NUP153: variants seen among roughly 807,000 people sequenced by gnomAD.
NUP153 encodes nucleoporin 153.
In NUP153, 27 loss-of-function variants were observed where a neutral mutation model predicts 134.6. The observed-to-expected ratio is 0.20, with a 90% CI of 0.15 to 0.28. The LOEUF is 0.28. NUP153 is among the 10% of genes least tolerant of loss of function. NUP153 has a pLI of 1.00. For synonymous variants in NUP153, 640 were observed against 623.5 expected (o/e 1.03, Z -0.40); for missense variants, 1,821 against 1,731.3 (o/e 1.05, Z -0.92).
rs900398358 is a variant in NUP153, at chr6:17,637,097, T to C, written c.2464+56A>G. The C allele has an allele frequency of 9.5e-6, 14 of 1,478,914 alleles. No individual in the cohort carries two copies. The African/African-American group carries it at 2.0e-4, about 21-fold the overall frequency. The allele number at this position is 1,478,914 out of a possible 1,614,324, so 91.6% of individuals were successfully genotyped here. A position where few individuals can be genotyped will look rare whatever the true frequency, so the allele number is the denominator to read the frequency against. On this transcript the variant is annotated intron_variant, in intron 16 of 21. Coordinates refer to ENST00000262077, the MANE Select transcript of NUP153 (RefSeq NM_005124.4). ...CTAAAACAAGGATTCTTAGAATAAA[T>C]TAAACTGTTCAACAGAAGTAATAAG... is the stretch of plus-strand genomic sequence containing the variant.
chr6:17,646,435 T>A (rs1766187722), intron 13 of NUP153, among the ~76,000 whole-genome samples: 1 of 152,164 alleles, frequency 6.6e-6, no homozygotes, highest in Non-Finnish European at 1.5e-5. Context: ...CTCGATCTAC[T>A]GACCTTGTGA....
At chr6:17,620,937 GA>G (rs1764616586) in intron 20 of NUP153, among the ~76,000 whole-genome samples, 2 of 152,058 alleles carry the variant, frequency 1.3e-5, no homozygotes, top group African/African-American at 2.4e-5. Flanking sequence ...TGTTGAAAGG[GA>G]AAAAAAGTTT....
chr6:17,688,153 AAAG>A (rs1769055345), intron 2 of NUP153, among the ~76,000 whole-genome samples: 1 of 152,248 alleles, frequency 6.6e-6, no homozygotes, highest in Admixed American at 6.5e-5. Flanking sequence ...AAGAAAAAGA[AAAG>A]AAAATTAAAA....
rs751239485 is a variant in NUP153 at position 17,675,279 on chromosome 6, T to A, written c.673A>T (p.Ser225Cys). Residue 225 changes from serine (S) to cysteine (C), a missense_variant, in exon 4 of 22, where the codon AGC (serine) becomes TGC (cysteine). Transcript: ENST00000262077. This position sits in a 1 kb window ranked among gnomAD's most constrained non-coding sequence, Gnocchi z 4.4. Reference protein sequence around the residue: ...SHSLSQHTATSSKKPAFNLSA... With the variant: ...SHSLSQHTATCSKKPAFNLSA... ...AAGTTGAATGCTGGTTTTTTTGAGC[T>A]GGTGGCAGTGTGCTGTGAGAGTGAG... is the stretch of plus-strand genomic sequence containing the variant. 6.2e-7 allele frequency: 1 copy of A among 1,614,184 alleles called. No homozygotes were observed. The highest frequency in any genetic ancestry group is 1.1e-5 in the South Asian group (1 of 91,082).
chr6:17,685,504 G>A (rs916556667), intron 2 of NUP153, among the ~76,000 whole-genome samples: 22 of 149,400 alleles, frequency 1.5e-4, no homozygotes, highest in African/African-American at 3.7e-4. Context: ...AGCCGAGATC[G>A]AGCCACTGCA....
chr6:17,677,860 C>T (rs1768319584), intron 2 of NUP153, among the ~76,000 whole-genome samples: 1 of 151,188 alleles, frequency 6.6e-6, no homozygotes, highest in South Asian at 2.1e-4. Context: ...TTTCTTCTTT[C>T]GTGTTTTCTG....
chr6:17,646,380 T>C (rs1024621322), intron 13 of NUP153, among the ~76,000 whole-genome samples: 2 of 152,002 alleles, frequency 1.3e-5, no homozygotes, highest in African/African-American at 4.8e-5. Context: ...GCTAATTTTT[T>C]GTATTTTAGT....
At chr6:17,647,584 G>C (rs552864551) in intron 13 of NUP153, among the ~76,000 whole-genome samples, 2 of 152,276 alleles carry the variant, frequency 1.3e-5, no homozygotes, top group African/African-American at 2.4e-5. Flanking sequence ...CCAGTTGTTT[G>C]CATTTTAACT....
intron 9 of NUP153, 34 bp downstream of exon 9, chr6:17,665,205 A>AT (rs1254412344): frequency 6.6e-7 from 1 of 1,512,774 alleles, no homozygotes; most frequent in African/African-American, 1.4e-5. Context: ...TCTAATCAAT[A>AT]TTCAAAGACT....
intron 14 of NUP153, among the ~76,000 whole-genome samples, chr6:17,641,525 C>T (rs1229977877): frequency 2.0e-5 from 3 of 151,876 alleles, no homozygotes; most frequent in Non-Finnish European, 2.9e-5. Context: ...CAGAGCGAGA[C>T]TCCGTCTCAA....
intron 11 of NUP153, chr6:17,651,688 T>G (rs1766500326): frequency 5.2e-6 from 2 of 383,904 alleles, no homozygotes; most frequent in Non-Finnish European, 9.2e-6. Flanking sequence ...CAAAAAATAT[T>G]TCCAAAAGTT....
At position 17,706,596 on chromosome 6, in the gene NUP153, C is replaced by T; in HGVS notation, c.-209G>A. ...GTGCTGGCAGCGGGGAAGGGGGTGG[C>T]GGCCGCAGAGGCCGAGGAGGCTCCG... On this transcript the variant is annotated 5_prime_UTR_variant, in exon 1 of 22. Coordinates refer to ENST00000262077, the MANE Select transcript of NUP153 (RefSeq NM_005124.4). This position sits in a 1 kb window ranked among gnomAD's most constrained non-coding sequence, Gnocchi z 5.9. 5.2e-6 allele frequency: 3 copies of T among 576,838 alleles called. No individual in the cohort carries two copies. Among genetic ancestry groups the T allele is most frequent in the Non-Finnish European group, 6.1e-6 (2 of 327,292 alleles). The allele number at this position is 576,838 out of a possible 1,614,324, so 35.7% of individuals were successfully genotyped here.
chr6:17,651,873 C>T (rs942026727), intron 11 of NUP153: 16 of 675,748 alleles, frequency 2.4e-5, no homozygotes, highest in Non-Finnish European at 3.6e-5. Flanking sequence ...ATGGGATGAT[C>T]GCTTGAGCGC....
chr6:17,675,808 T>TA lies in NUP153; in HGVS notation c.335-39dup, dbSNP rs1269398016. On this transcript the variant is annotated intron_variant, in intron 2 of 21. Transcript: ENST00000262077. The surrounding 1 kb of genome is among the most constrained non-coding windows in gnomAD (Gnocchi z 4.4). Reference sequence around the variant, plus strand: ...GCATTAATATTATGAATATACAACTTAGAGCGATACACTACCACAAATGGT... The same window carrying TA: ...GCATTAATATTATGAATATACAACTTAAGAGCGATACACTACCACAAATGGT... 7 of 1,587,898 alleles carry TA rather than the reference T, an allele frequency of 4.4e-6. No individual in the cohort carries two copies. The highest frequency in any genetic ancestry group is 1.7e-5 in the Admixed American group (1 of 59,932).
chr6:17,685,374 C>T (rs752518668), intron 2 of NUP153, among the ~76,000 whole-genome samples: 3 of 151,866 alleles, frequency 2.0e-5, no homozygotes, highest in Non-Finnish European at 4.4e-5. Context: ...GGAGAAACCC[C>T]GTCTTTACTA....
chr6:17,677,321 C>G (rs549774073), intron 2 of NUP153, among the ~76,000 whole-genome samples: 1 of 151,806 alleles, frequency 6.6e-6, no homozygotes, highest in East Asian at 1.9e-4. Context: ...AGGAAGATGA[C>G]AGAACCAAGA....
At chr6:17,657,580 C>T (rs1235691118) in intron 11 of NUP153, among the ~76,000 whole-genome samples, 1 of 151,744 alleles carries the variant, frequency 6.6e-6, no homozygotes, top group Non-Finnish European at 1.5e-5. Flanking sequence ...CAAAACAAAA[C>T]CTGGTGCCAT....
At chr6:17,703,232 TAAAG>T (rs1212079043) in intron 1 of NUP153, among the ~76,000 whole-genome samples, 1 of 148,880 alleles carries the variant, frequency 6.7e-6, no homozygotes, top group Admixed American at 6.7e-5. Flanking sequence ...AAAAATAAGT[TAAAG>T]AAGGAAAGTA....
At position 17,701,848 on chromosome 6, in the gene NUP153, A is replaced by AGGG. The variant is rs1561917012; in HGVS notation, c.111+4428_111+4429insCCC. Among the ~76,000 whole-genome samples, 15 of 90,350 alleles carry AGGG rather than the reference A, an allele frequency of 1.7e-4. 1 individual carries two copies. The highest frequency in any genetic ancestry group is 3.2e-4 in the African/African-American group (8 of 24,994). 59.3% of individuals were successfully genotyped at this position (90,350 alleles called of 152,430 possible). On this transcript the variant is annotated intron_variant, in intron 1 of 21. Coordinates refer to ENST00000262077, the MANE Select transcript of NUP153 (RefSeq NM_005124.4). ...ACTCTGTCTCGGGGGGGGGGGGAAA[A>AGGG]AAGCTAAATGCAGGAACTGACTTGT...
Sources: gnomAD v4.1 joint callset for allele counts (sites outside exome capture counted in the v4.1 genomes callset) on GRCh38, gnomAD v4.1.1 for gene constraint, Gnocchi (gnomAD v3.1) non-coding constraint, MANE v1.5 for transcripts, NCBI Gene and HGNC (gene_info 2026-07-23, HGNC 2026-07-21) for gene names.